The following AP5Z1 variants were observed in gnomAD, a reference collection of about 807,000 sequenced individuals.
AP5Z1 encodes adaptor related protein complex 5 subunit zeta 1.
In AP5Z1, 106 loss-of-function variants were observed where a neutral mutation model predicts 83.0. That is an observed-to-expected ratio of 1.28 (90% CI 1.09 to 1.50). The LOEUF is 1.50. Among genes scored for constraint, AP5Z1 ranks in the 40% most tolerant of loss-of-function variants. The pLI is 0.00. For synonymous variants in AP5Z1, 751 were observed against 514.1 expected (o/e 1.46, Z -6.23); for missense variants, 1,565 against 1,094.2 (o/e 1.43, Z -6.07).
chr7:4,775,832 C>T, intron 1 of AP5Z1, 76 bp downstream of exon 1: 4 of 1,557,016 alleles, frequency 2.6e-6, no homozygotes, highest in Non-Finnish European at 3.5e-6. Context: ...TCTCACAGGG[C>T]AGGGGCTTGG....
At chr7:4,782,903 G>A in intron 3 of AP5Z1, among the ~76,000 whole-genome samples, 1 of 152,126 alleles carries the variant, frequency 6.6e-6, no homozygotes, top group Non-Finnish European at 1.5e-5. Context: ...TGACGGCCCT[G>A]CCCCTGTGCT....
In AP5Z1 at chr7:4,781,252, A is replaced by C. The variant is rs371093286; in HGVS notation, c.119A>C (p.Asp40Ala). ...KLLQAEDLGP[D>A]TLDSLQRLFL... is the part of the protein sequence containing the mutation. ...CTGCAGGCGGAGGACTTGGGGCCGG[A>C]CACCCTCGACTCCCTGCAGAGGCTC... Residue 40 changes from aspartate to alanine, a missense_variant, in exon 2 of 17, where the codon GAC becomes GCC. Asp to Ala is a moderately radical substitution (Grantham distance 126). Transcript: ENST00000649063. The C allele has an allele frequency of 3.7e-6, 6 of 1,613,652 alleles. No homozygotes were observed. Among genetic ancestry groups the C allele is most frequent in the Non-Finnish European group, 4.2e-6 (5 of 1,179,808 alleles).
intron 6 of AP5Z1, among the ~76,000 whole-genome samples, chr7:4,784,616 C>G (rs527642347): frequency 6.6e-6 from 1 of 152,314 alleles, no homozygotes; most frequent in East Asian, 1.9e-4. Context: ...ATGCAATGTG[C>G]AGATGTGAGA....
intron 7 of AP5Z1, 41 bp downstream of exon 7, chr7:4,785,089 A>G (rs370873960): frequency 1.2e-4 from 184 of 1,555,430 alleles, no homozygotes; most frequent in Non-Finnish European, 1.5e-4. Context: ...CCAGGGCTCG[A>G]CGCACCTGCT....
intron 10 of AP5Z1, 70 bp downstream of exon 10, chr7:4,786,498 A>T: frequency 1.3e-6 from 2 of 1,569,164 alleles, no homozygotes; most frequent in Non-Finnish European, 1.7e-6. Context: ...CCCTCTTTCC[A>T]GCGGGGTTCA....
intron 13 of AP5Z1, 114 bp downstream of exon 13, chr7:4,789,065 C>T (rs1238751027): frequency 3.4e-6 from 3 of 891,420 alleles, no homozygotes; most frequent in East Asian, 2.7e-5. Context: ...CCCGCCACAC[C>T]CACCATCCAC....
chr7:4,779,759 G>A (rs922926945), intron 1 of AP5Z1, among the ~76,000 whole-genome samples: 1 of 151,936 alleles, frequency 6.6e-6, no homozygotes, highest in African/African-American at 2.4e-5. Context: ...TCCTGCCTCA[G>A]CCTCCTGAGT....
Position 4,788,306 on chromosome 7 carries a change from T to C in AP5Z1, c.1595+12T>C. On this transcript the variant is annotated intron_variant, in intron 12 of 16. Coordinates refer to ENST00000649063, the MANE Select transcript of AP5Z1 (RefSeq NM_014855.3). Reference sequence around the variant, plus strand: ...GGCGCCACTGAGAGGTACGGGGCCCTAGGGCCAGGGGGCCACCAGTGGCTC... The same window carrying C: ...GGCGCCACTGAGAGGTACGGGGCCCCAGGGCCAGGGGGCCACCAGTGGCTC... 1 of 1,572,582 alleles carries C rather than the reference T, an allele frequency of 6.4e-7. No homozygotes were observed. Among genetic ancestry groups the C allele is most frequent in the South Asian group, 1.2e-5 (1 of 86,216 alleles).
chr7:4,788,073 C>T lies in AP5Z1; in HGVS notation c.1455-81C>T, dbSNP rs995532757. On this transcript the variant is annotated intron_variant, in intron 11 of 16. Transcript: ENST00000649063. ...CGAGGTGCTGTGATATTAGGGACAC[C>T]TGCCGTGTGTCTCCCTGACGGGGGT... 8.3e-6 allele frequency: 12 copies of T among 1,446,668 alleles called. No homozygotes were observed. In the African/African-American group the frequency reaches 1.0e-4, roughly 12 times the overall value. The allele number at this position is 1,446,668 out of a possible 1,614,324, so 89.6% of individuals were successfully genotyped here. A position where few individuals can be genotyped will look rare whatever the true frequency, so the allele number is the denominator to read the frequency against.
chr7:4,788,961 C>T lies in AP5Z1; in HGVS notation c.1707+10C>T, dbSNP rs773662873. The T allele has an allele frequency of 4.4e-6, 7 of 1,606,488 alleles. No individual in the cohort carries two copies. Among genetic ancestry groups the T allele is most frequent in the Non-Finnish European group, 5.9e-6 (7 of 1,177,378 alleles). On this transcript the variant is annotated intron_variant, in intron 13 of 16. Transcript: ENST00000649063. ...CTCAGCAGTGACCCAGGTGAGCTCG[C>T]TGCCTGGGGCCCCCCATTCCCACAG...
rs953819170 is a variant in AP5Z1, at chr7:4,793,580, C to A, written c.*2195C>A. ...TGCACGCGGTGCTTGCGGGCCAGCG[C>A]GAGTTCCGGGTGGGCGTGGGCTCTG... On this transcript the variant is annotated 3_prime_UTR_variant, in exon 17 of 17. Coordinates refer to ENST00000649063, the MANE Select transcript of AP5Z1 (RefSeq NM_014855.3). 1 of 143,558 alleles carries A rather than the reference C, an allele frequency of 7.0e-6. No homozygotes were observed. The highest frequency in any genetic ancestry group is 1.5e-5 in the Non-Finnish European group (1 of 65,544). The allele number at this position is 143,558 out of a possible 1,614,324, so 8.9% of individuals were successfully genotyped here.
At chr7:4,789,523 C>CTGGGCGTTGCT (rs925784315) in intron 13 of AP5Z1, among the ~76,000 whole-genome samples, 1 of 152,230 alleles carries the variant, frequency 6.6e-6, no homozygotes, top group Non-Finnish European at 1.5e-5. Context: ...CGGCAGGGGG[C>CTGGGCGTTGCT]TGGGCGTTGC....
Position 4,791,522 on chromosome 7 carries a change from C to T in AP5Z1, c.*137C>T. 2.3e-6 allele frequency: 3 copies of T among 1,292,208 alleles called. No homozygotes were observed. Among genetic ancestry groups the T allele is most frequent in the South Asian group, 1.5e-5 (1 of 64,634 alleles). 80.0% of individuals were successfully genotyped at this position (1,292,208 alleles called of 1,614,324 possible). On this transcript the variant is annotated 3_prime_UTR_variant, in exon 17 of 17. Coordinates refer to ENST00000649063, the MANE Select transcript of AP5Z1 (RefSeq NM_014855.3). ...CAAGGCCCACGGTGGGCTTGGCACCCTCACAGACACGCGGGGCTGGCCCCC... is the reference window on the plus strand; with the variant it reads ...CAAGGCCCACGGTGGGCTTGGCACCTTCACAGACACGCGGGGCTGGCCCCC...
Position 4,783,376 on chromosome 7 carries a change from C to A in AP5Z1, c.427C>A (p.Arg143=). Residue 143 remains arginine (R), a synonymous_variant, in exon 4 of 17, where the codon CGG becomes AGG. Transcript: ENST00000649063. ...GQGVLRALES[R]QPEGPSLRHL... Reference sequence around the variant, plus strand: ...GGGCGTGCTACGAGCGCTGGAGAGCCGGCAGCCTGAGGGACCCAGCCTCAG... The same window carrying A: ...GGGCGTGCTACGAGCGCTGGAGAGCAGGCAGCCTGAGGGACCCAGCCTCAG... The A allele has an allele frequency of 6.2e-7, 1 of 1,613,016 alleles. No individual in the cohort carries two copies. The highest frequency in any genetic ancestry group is 8.5e-7 in the Non-Finnish European group (1 of 1,179,770).
Position 4,791,396 on chromosome 7 carries a change from G to T in AP5Z1, c.*11G>T, listed in dbSNP as rs773634001. 5 of 1,598,070 alleles carry T rather than the reference G, an allele frequency of 3.1e-6. No individual in the cohort carries two copies. The highest frequency in any genetic ancestry group is 4.3e-6 in the Non-Finnish European group (5 of 1,172,158). On this transcript the variant is annotated 3_prime_UTR_variant, in exon 17 of 17. Transcript: ENST00000649063. The stretch of plus-strand genomic sequence containing the variant: ...CTCATGCCAGGGTGAAGGGACAGTG[G>T]CCAGGGACTTCGGTGCAGATTAAGA...
intron 14 of AP5Z1, 109 bp from the exon 15 acceptor site, chr7:4,790,350 C>T (rs1562414221): frequency 6.4e-7 from 1 of 1,570,118 alleles, no homozygotes; most frequent in Non-Finnish European, 8.6e-7. Flanking sequence ...GAGGGTGCAG[C>T]ATACACCTAC....
rs1259456275 is a variant in AP5Z1 at position 4,791,747 on chromosome 7, C to T, written c.*362C>T. ...AAGAGCTGCAGTAAAAGTAAATCTC[C>T]TTTAATAAGCGTCTGTATGAAGAGT... On this transcript the variant is annotated 3_prime_UTR_variant, in exon 17 of 17. Transcript: ENST00000649063. 3 of 316,382 alleles carry T rather than the reference C, an allele frequency of 9.5e-6. 1 individual carries two copies. The highest frequency in any genetic ancestry group is 1.8e-5 in the Non-Finnish European group (3 of 169,774). The allele number at this position is 316,382 out of a possible 1,614,324, so 19.6% of individuals were successfully genotyped here. A position where few individuals can be genotyped will look rare whatever the true frequency, so the allele number is the denominator to read the frequency against.
At chr7:4,779,894 C>T (rs138139114) in intron 1 of AP5Z1, among the ~76,000 whole-genome samples, 3,503 of 152,162 alleles carry the variant, frequency 0.023, 140 homozygotes, top group African/African-American at 0.08. Context: ...CAGCCCGCCT[C>T]GGCCTCCCAA....
intron 1 of AP5Z1, among the ~76,000 whole-genome samples, chr7:4,778,870 A>G (rs1174420851): frequency 6.9e-6 from 1 of 145,192 alleles, no homozygotes; most frequent in African/African-American, 2.5e-5. Flanking sequence ...TATTTTATAT[A>G]TAATCAAAAA....
Sources: gnomAD v4.1 joint callset for allele counts (sites outside exome capture counted in the v4.1 genomes callset) on GRCh38, gnomAD v4.1.1 for gene constraint, MANE v1.5 for transcripts, NCBI Gene and HGNC (gene_info 2026-07-23, HGNC 2026-07-21) for gene names.